Variants in AK9 observed in about 807,000 individuals in gnomAD.
AK9 encodes adenylate kinase domain containing 1.
In AK9, 191 loss-of-function variants were observed where a neutral mutation model predicts 239.6. The ratio of observed to expected loss-of-function variants is 0.80; its 90% CI spans 0.71 to 0.90. AK9 has a LOEUF of 0.90. Ranked by LOEUF, AK9 falls within the 40% of genes least tolerant of loss-of-function variation. The pLI is 0.00. For synonymous variants in AK9, 689 were observed against 721.0 expected (o/e 0.96, Z 0.71); for missense variants, 1,995 against 2,214.7 (o/e 0.90, Z 1.99).
chr6:109,631,233 C>T (rs948380100), intron 12 of AK9, among the ~76,000 whole-genome samples: 10 of 151,602 alleles, frequency 6.6e-5, no homozygotes, highest in Non-Finnish European at 1.2e-4. Flanking sequence ...TTAAAAGATG[C>T]CATTAGAAAA....
intron 24 of AK9, among the ~76,000 whole-genome samples, chr6:109,555,930 C>G (rs1402017585): frequency 1.3e-5 from 2 of 152,120 alleles, no homozygotes; most frequent in African/African-American, 4.8e-5. Flanking sequence ...CTCTTGAAGA[C>G]AGCATACCAA....
At chr6:109,581,692 G>A (rs1234854582) in intron 19 of AK9, among the ~76,000 whole-genome samples, 2 of 152,174 alleles carry the variant, frequency 1.3e-5, no homozygotes, top group Non-Finnish European at 2.9e-5. Context: ...GGTGAAGCAG[G>A]CAAGTGCTGA....
chr6:109,554,489 T>A (rs1015134577), intron 24 of AK9, among the ~76,000 whole-genome samples: 2 of 151,160 alleles, frequency 1.3e-5, no homozygotes, highest in African/African-American at 4.9e-5. Context: ...TGCATAGAGG[T>A]GTTAATATTC....
Position 109,514,455 on chromosome 6 carries a change from T to C in AK9, c.4066-18A>G. ...TCACTTAGCTGCAACATATACACAG[T>C]TGAATTTGAAAGTTAGTTTGAATTT... is the stretch of plus-strand genomic sequence containing the variant. On this transcript the variant is annotated intron_variant, in intron 31 of 40. Coordinates refer to ENST00000424296, the MANE Select transcript of AK9 (RefSeq NM_001145128.3). 6.7e-7 allele frequency: 1 copy of C among 1,500,544 alleles called. No individual in the cohort carries two copies. Among genetic ancestry groups the C allele is most frequent in the Non-Finnish European group, 8.9e-7 (1 of 1,120,102 alleles). 93.0% of individuals were successfully genotyped at this position (1,500,544 alleles called of 1,614,324 possible). A position where few individuals can be genotyped will look rare whatever the true frequency, so the allele number is the denominator to read the frequency against.
chr6:109,570,509 C>T (rs1787279248), intron 21 of AK9, among the ~76,000 whole-genome samples: 1 of 152,062 alleles, frequency 6.6e-6, no homozygotes, highest in Non-Finnish European at 1.5e-5. Flanking sequence ...AAACCCCAGA[C>T]TTCACCACTA....
intron 32 of AK9, among the ~76,000 whole-genome samples, chr6:109,513,695 T>C (rs1582786658): frequency 6.6e-6 from 1 of 152,330 alleles, no homozygotes; most frequent in Admixed American, 6.5e-5. Context: ...GGCTGCACCT[T>C]TGACCCACTT....
intron 13 of AK9, among the ~76,000 whole-genome samples, chr6:109,614,794 A>G (rs1269066821): frequency 1.3e-5 from 2 of 152,136 alleles, no homozygotes; most frequent in Non-Finnish European, 2.9e-5. Flanking sequence ...TAATCATGTA[A>G]TTTTTATGTT....
Position 109,545,870 on chromosome 6 carries a change from CT to C in AK9, c.3221del (p.Lys1074SerfsTer14). ...AAACAAAAAAAGAGATTACTACCTG[CT>C]TTTTTGTATTTTCTTCCTCAACTTT... ...NVKVEEENTKKQLPEVQLTEE... is the reference protein window; with the variant it reads ...NVKVEEENTKXQLPEVQLTEE... On this transcript the variant is annotated frameshift_variant, in exon 26 of 41. Coordinates refer to ENST00000424296, the MANE Select transcript of AK9 (RefSeq NM_001145128.3). LOFTEE classifies it high-confidence loss of function. 6.3e-7 allele frequency: 1 copy of C among 1,589,354 alleles called. No individual in the cohort carries two copies. Among genetic ancestry groups the C allele is most frequent in the Non-Finnish European group, 8.5e-7 (1 of 1,172,814 alleles).
intron 10 of AK9, among the ~76,000 whole-genome samples, chr6:109,640,134 C>G (rs748626270): frequency 3.3e-5 from 5 of 152,178 alleles, no homozygotes; most frequent in Non-Finnish European, 7.3e-5. Flanking sequence ...AGTGTGGGCT[C>G]TTTTTTGGTT....
intron 3 of AK9, 26 bp from the exon 4 acceptor site, chr6:109,672,193 T>C (rs749905817): frequency 1.3e-6 from 2 of 1,578,638 alleles, no homozygotes; most frequent in South Asian, 1.1e-5. Context: ...AAAATATTAA[T>C]ACAGACTGAT....
chr6:109,588,356 AC>A (rs1234259647), intron 17 of AK9, among the ~76,000 whole-genome samples: 2 of 151,976 alleles, frequency 1.3e-5, no homozygotes, highest in African/African-American at 4.8e-5. Flanking sequence ...GGCGTGAGCC[AC>A]CGCGCCCGGC....
chr6:109,568,760 CT>C (rs2128189974), intron 21 of AK9, among the ~76,000 whole-genome samples: 1 of 152,308 alleles, frequency 6.6e-6, no homozygotes, highest in East Asian at 1.9e-4. Context: ...CTACAAACCA[CT>C]GTTCAATGAA....
At chr6:109,688,406 T>A (rs935994688) in intron 1 of AK9, among the ~76,000 whole-genome samples, 2 of 152,168 alleles carry the variant, frequency 1.3e-5, no homozygotes, top group Non-Finnish European at 2.9e-5. Context: ...AGGTTTAGAG[T>A]ATGTCTCATT....
At chr6:109,536,135 T>A (rs1781954137) in intron 27 of AK9, among the ~76,000 whole-genome samples, 1 of 152,238 alleles carries the variant, frequency 6.6e-6, no homozygotes, top group African/African-American at 2.4e-5. Flanking sequence ...TTTTTCCACT[T>A]CTGTGAAGAA....
chr6:109,567,259 TC>T (rs1786682925), intron 21 of AK9, among the ~76,000 whole-genome samples: 1 of 151,980 alleles, frequency 6.6e-6, no homozygotes, highest in Non-Finnish European at 1.5e-5. Flanking sequence ...TCACCACTAA[TC>T]CCACAGAAAT....
chr6:109,667,451 G>A (rs1336114886), intron 5 of AK9, among the ~76,000 whole-genome samples: 2 of 151,870 alleles, frequency 1.3e-5, no homozygotes, highest in African/African-American at 2.4e-5. Flanking sequence ...TGTGCACAAT[G>A]TGCAGGTTTG....
chr6:109,590,414 A>T (rs1790056985), intron 17 of AK9, among the ~76,000 whole-genome samples: 1 of 152,090 alleles, frequency 6.6e-6, no homozygotes, highest in Non-Finnish European at 1.5e-5. Flanking sequence ...AGTTGTAATG[A>T]CACCTTTATT....
At chr6:109,632,341 C>G (rs559637672) in intron 12 of AK9, 1 of 982,282 alleles carries the variant, frequency 1.0e-6, no homozygotes, top group African/African-American at 1.7e-5. Flanking sequence ...ATTGCCCCTT[C>G]TAGAATTCCT....
chr6:109,537,284 C>A (rs1473293087), intron 27 of AK9, among the ~76,000 whole-genome samples: 8 of 151,968 alleles, frequency 5.3e-5, no homozygotes, highest in African/African-American at 1.9e-4. Flanking sequence ...ATTTCAGAGC[C>A]TGTTATTGGG....
Sources: allele counts gnomAD v4.1 joint callset (sites outside exome capture counted in the v4.1 genomes callset), GRCh38; gene constraint gnomAD v4.1.1; transcripts MANE v1.5; gene names NCBI Gene and HGNC (gene_info 2026-07-23, HGNC 2026-07-21).